Variants in PPP2R3A observed in about 807,000 individuals in gnomAD.
The protein encoded by PPP2R3A is protein phosphatase 2 regulatory subunit B''alpha.
In PPP2R3A, 80 loss-of-function variants were observed where a neutral mutation model predicts 106.9. The observed-to-expected ratio is 0.75, with a 90% CI of 0.62 to 0.90. The LOEUF is 0.90. Among genes scored for constraint, PPP2R3A ranks in the 40% least tolerant of loss-of-function variants. The pLI, the probability that PPP2R3A is intolerant of heterozygous loss-of-function variation, is 0.00. For missense variants in PPP2R3A, 1,386 were observed against 1,350.4 expected, an observed-to-expected ratio of 1.03 and a Z score of -0.41; for synonymous variants, 483 against 468.3, an observed-to-expected ratio of 1.03 and a Z score of -0.41.
At chr3:135,996,535 C>T (rs965692084) in intron 1 of PPP2R3A, among the ~76,000 whole-genome samples, 1 of 152,206 alleles carries the variant, frequency 6.6e-6, no homozygotes, top group Non-Finnish European at 1.5e-5. Context: ...GCTTATTGCA[C>T]AAACAGATGT....
At chr3:136,030,107 A>C (rs1438625312) in intron 3 of PPP2R3A, among the ~76,000 whole-genome samples, 1 of 151,942 alleles carries the variant, frequency 6.6e-6, no homozygotes, top group African/African-American at 2.4e-5. Context: ...GGTCCTAGCT[A>C]CTCAGGAGGC....
intron 5 of PPP2R3A, among the ~76,000 whole-genome samples, chr3:136,059,248 G>T (rs1369719442): frequency 6.6e-6 from 1 of 151,664 alleles, no homozygotes. Flanking sequence ...TCCAACAAAG[G>T]TCTAATATCC....
intron 4 of PPP2R3A, among the ~76,000 whole-genome samples, chr3:136,048,174 C>G (rs976428585): frequency 6.6e-6 from 1 of 151,942 alleles, no homozygotes; most frequent in Non-Finnish European, 1.5e-5. Flanking sequence ...ATAATAAGCA[C>G]ATGGAAGGAC....
chr3:135,967,554 G>T (rs1937122614), intron 1 of PPP2R3A, among the ~76,000 whole-genome samples: 1 of 152,104 alleles, frequency 6.6e-6, no homozygotes. Flanking sequence ...GAATAATTTT[G>T]GAGTATAGGG....
In PPP2R3A at chr3:136,001,962, C is replaced by T. The variant is rs372883345; in HGVS notation, c.464C>T (p.Ser155Leu). 150 of 1,614,032 alleles carry T rather than the reference C, an allele frequency of 9.3e-5. No individual in the cohort carries two copies. Among genetic ancestry groups the T allele is most frequent in the Non-Finnish European group, 1.3e-4 (149 of 1,180,030 alleles). The change falls in exon 2 of 14, where the codon TCA becomes TTA. Residue 155 changes from serine (S) to leucine (L), a missense_variant. Ser to Leu is a moderately radical substitution (Grantham distance 145, BLOSUM62 -2). Coordinates refer to ENST00000264977, the MANE Select transcript of PPP2R3A (RefSeq NM_002718.5). ...AAGTCTGACTCATTTAATAGGAGGT[C>T]AGTTGATTTGGACTTGCTTTGTGGC... ...KVKSDSFNRR[S>L]VDLDLLCGHY...
intron 3 of PPP2R3A, among the ~76,000 whole-genome samples, chr3:136,027,366 G>T (rs1216191368): frequency 6.6e-6 from 1 of 152,146 alleles, no homozygotes; most frequent in African/African-American, 2.4e-5. Flanking sequence ...TTGCCAGGCA[G>T]CCTGGCCTAT....
intron 5 of PPP2R3A, among the ~76,000 whole-genome samples, chr3:136,050,256 T>C (rs75175414): frequency 1.3e-5 from 2 of 152,348 alleles, no homozygotes; most frequent in East Asian, 3.9e-4. Flanking sequence ...ACTCTGTGTG[T>C]TGTATATCCA....
At chr3:135,999,905 C>G (rs1933554458) in intron 1 of PPP2R3A, among the ~76,000 whole-genome samples, 1 of 152,126 alleles carries the variant, frequency 6.6e-6, no homozygotes, top group South Asian at 2.1e-4. Context: ...TCCCGAGTAG[C>G]TGGGACTACA....
At chr3:136,014,063 G>T (rs1484664087) in intron 2 of PPP2R3A, among the ~76,000 whole-genome samples, 1 of 152,200 alleles carries the variant, frequency 6.6e-6, no homozygotes, top group Non-Finnish European at 1.5e-5. Flanking sequence ...CATGTGATTT[G>T]CCAGTTATTC....
intron 7 of PPP2R3A, among the ~76,000 whole-genome samples, chr3:136,079,536 G>A (rs958630808): frequency 1.3e-5 from 2 of 151,326 alleles, no homozygotes; most frequent in African/African-American, 4.9e-5. Flanking sequence ...AGCCTCCTGA[G>A]TAGCTGGGAC....
rs1375773044 is a variant in PPP2R3A at position 136,040,859 on chromosome 3, G to C, written c.2263G>C (p.Val755Leu). 1 of 1,611,166 alleles carries C rather than the reference G, an allele frequency of 6.2e-7. No individual in the cohort carries two copies. The highest frequency in any genetic ancestry group is 8.5e-7 in the Non-Finnish European group (1 of 1,178,806). The part of the protein sequence containing the change: ...DIYEMGKIAK[V>L]CGCPLYWKAP... ...CCCTGTATGTGTTTTCTATTTGCAG[G>C]TCTGTGGCTGTCCTCTCTATTGGAA... Residue 755 changes from valine (V) to leucine (L), a missense_variant and splice_region_variant, in exon 4 of 14, where the codon GTC (valine) becomes CTC (leucine). Physicochemically the swap from Val to Leu is conservative, Grantham distance 32. Transcript: ENST00000264977.
At chr3:136,141,102 G>A (rs1292536263) in intron 13 of PPP2R3A, among the ~76,000 whole-genome samples, 8 of 152,052 alleles carry the variant, frequency 5.3e-5, no homozygotes, top group African/African-American at 1.7e-4. Context: ...GTTACAAAAC[G>A]GACACTTTAC....
rs113184528 is a variant in PPP2R3A, at chr3:136,059,138, G to A, written c.2469+9777G>A. Among the ~76,000 whole-genome samples, 28 of 151,944 alleles carry A rather than the reference G, an allele frequency of 1.8e-4. 1 individual carries two copies. Among genetic ancestry groups the A allele is most frequent in the African/African-American group, 2.9e-4 (12 of 41,458 alleles). ...TGTAACGGGCAAAAATTGACAAATG[G>A]GATCTAATTAAACTAAAGAGCTTCT... On this transcript the variant is annotated intron_variant, in intron 5 of 13. Coordinates refer to ENST00000264977, the MANE Select transcript of PPP2R3A (RefSeq NM_002718.5).
At chr3:135,973,785 A>G (rs1015969907) in intron 1 of PPP2R3A, among the ~76,000 whole-genome samples, 66 of 152,318 alleles carry the variant, frequency 4.3e-4, no homozygotes, top group African/African-American at 1.5e-3. Context: ...ACAAATACTT[A>G]CTAATTTATC....
At position 136,147,483 on chromosome 3, in the gene PPP2R3A, C is replaced by T. The variant is rs1052213009; in HGVS notation, c.*2317C>T. The T allele has an allele frequency of 6.6e-5, 10 of 152,608 alleles. No individual in the cohort carries two copies. Among genetic ancestry groups the T allele is most frequent in the Admixed American group, 5.9e-4 (9 of 15,282 alleles). The allele number at this position is 152,608 out of a possible 1,614,324, so 9.5% of individuals were successfully genotyped here. A position where few individuals can be genotyped will look rare whatever the true frequency, so the allele number is the denominator to read the frequency against. ...TTATAAGAATGTGTTTTATTGTACT[C>T]CTTCCTTGGAGCTGAATGCAAGGAA... On this transcript the variant is annotated 3_prime_UTR_variant, in exon 14 of 14. Coordinates refer to ENST00000264977, the MANE Select transcript of PPP2R3A (RefSeq NM_002718.5).
chr3:136,021,196 GAA>G (rs34246119), intron 2 of PPP2R3A, among the ~76,000 whole-genome samples: 215 of 152,048 alleles, frequency 1.4e-3, no homozygotes, highest in African/African-American at 4.8e-3. Context: ...TAATGAGGGA[GAA>G]AAAGAGTATT....
At position 136,145,221 on chromosome 3, in the gene PPP2R3A, G is replaced by A. The variant is rs1466831084; in HGVS notation, c.*55G>A. On this transcript the variant is annotated 3_prime_UTR_variant, in exon 14 of 14. Transcript: ENST00000264977. ...TGTATTTTAAATGTTTCTTTCTTGT[G>A]AAGAGATGTTCTCGTTTGCATACTG... 7 of 1,559,004 alleles carry A rather than the reference G, an allele frequency of 4.5e-6. No individual in the cohort carries two copies. The Admixed American group carries it at 7.8e-5, about 17-fold the overall frequency.
intron 9 of PPP2R3A, among the ~76,000 whole-genome samples, chr3:136,089,605 T>G (rs1051378622): frequency 8.9e-5 from 10 of 112,044 alleles, no homozygotes; most frequent in Non-Finnish European, 1.5e-4. Flanking sequence ...AATGGTGTTG[T>G]TTTTTTTTTT....
chr3:136,046,824 A>G (rs1359913994), intron 4 of PPP2R3A, among the ~76,000 whole-genome samples: 1 of 152,246 alleles, frequency 6.6e-6, no homozygotes, highest in East Asian at 1.9e-4. Flanking sequence ...ATACAGGAGA[A>G]AGTTGAAACT....
Sources: allele counts gnomAD v4.1 joint callset (sites outside exome capture counted in the v4.1 genomes callset), GRCh38; gene constraint gnomAD v4.1.1; transcripts MANE v1.5; gene names NCBI Gene and HGNC (gene_info 2026-07-23, HGNC 2026-07-21).